The following C8orf34 variants were observed in gnomAD, a reference collection of about 807,000 sequenced individuals.
The protein encoded by C8orf34 is chromosome 8 open reading frame 34.
A neutral mutation model predicts 68.3 loss-of-function variants in C8orf34; 65 were observed. The observed-to-expected ratio is 0.95, with a 90% CI of 0.78 to 1.17. The LOEUF is 1.17. Ranked by LOEUF, C8orf34 falls within the 50% of genes most tolerant of loss-of-function variation. The pLI, the probability that C8orf34 is intolerant of heterozygous loss-of-function variation, is 0.00. For synonymous variants in C8orf34, 244 were observed against 241.2 expected (o/e 1.01, Z -0.11); for missense variants, 664 against 655.4 (o/e 1.01, Z -0.14).
At chr8:68,518,639 T>C (rs1266947471) in intron 5 of C8orf34, among the ~76,000 whole-genome samples, 1 of 152,194 alleles carries the variant, frequency 6.6e-6, no homozygotes, top group Non-Finnish European at 1.5e-5. Context: ...GGTTCATGAA[T>C]GTAATCCCAG....
intron 8 of C8orf34, among the ~76,000 whole-genome samples, chr8:68,652,137 A>G (rs1375051809): frequency 6.6e-6 from 1 of 152,214 alleles, no homozygotes; most frequent in African/African-American, 2.4e-5. Context: ...AAGATGCCTG[A>G]CAGAGGAGAG....
At chr8:68,487,285 G>T (rs117599494) in intron 4 of C8orf34, among the ~76,000 whole-genome samples, 460 of 152,306 alleles carry the variant, frequency 3.0e-3, no homozygotes, top group Admixed American at 7.4e-3. Flanking sequence ...GGGAATTCCT[G>T]TGAAGGAGAC....
At chr8:68,645,810 A>G (rs907404934) in intron 8 of C8orf34, among the ~76,000 whole-genome samples, 2 of 152,084 alleles carry the variant, frequency 1.3e-5, no homozygotes, top group African/African-American at 4.8e-5. Context: ...TATTTTCCTT[A>G]ATCTTTTTTT....
chr8:68,419,105 A>C (rs573392823), intron 1 of C8orf34, among the ~76,000 whole-genome samples: 1 of 152,176 alleles, frequency 6.6e-6, no homozygotes, highest in South Asian at 2.1e-4. Context: ...TAATATCCAG[A>C]ATCTACAATG....
intron 12 of C8orf34, chr8:68,792,571 C>CAAAAAAAAAAAAAA (rs1162293308): frequency 1.4e-4 from 6 of 42,296 alleles, no homozygotes; most frequent in East Asian, 5.6e-4. Flanking sequence ...GACTCCATCT[C>CAAAAAAAAAAAAAA]AAAAAAAAAA....
At chr8:68,446,227 C>T (rs988776407) in intron 2 of C8orf34, 102 bp from the exon 3 acceptor site, 1 of 880,206 alleles carries the variant, frequency 1.1e-6, no homozygotes, top group South Asian at 1.8e-5. Context: ...TATGAGGTGA[C>T]CTATATGTTT....
intron 7 of C8orf34, among the ~76,000 whole-genome samples, chr8:68,545,323 T>C (rs1358547673): frequency 6.6e-6 from 1 of 152,182 alleles, no homozygotes; most frequent in Admixed American, 6.6e-5. Context: ...TCCATGATTG[T>C]GAGGCCTCCC....
At chr8:68,802,619 C>T (rs185422240) in intron 12 of C8orf34, among the ~76,000 whole-genome samples, 217 of 152,166 alleles carry the variant, frequency 1.4e-3, no homozygotes, top group African/African-American at 4.9e-3. Context: ...TCACCTCAGC[C>T]TCCCGAGTAG....
intron 8 of C8orf34, among the ~76,000 whole-genome samples, chr8:68,667,636 T>C (rs1819881055): frequency 6.6e-6 from 1 of 152,186 alleles, no homozygotes; most frequent in Non-Finnish European, 1.5e-5. Context: ...CGTCAATGAC[T>C]ATAATTCCAA....
chr8:68,810,444 T>C (rs2978226), intron 12 of C8orf34, among the ~76,000 whole-genome samples: 147,533 of 152,292 alleles, frequency 0.97, 71,493 homozygotes, highest in East Asian at 1. Context: ...GTGTCAAAGC[T>C]CTGGCTCAGG....
intron 7 of C8orf34, among the ~76,000 whole-genome samples, chr8:68,593,654 AT>A (rs1360574936): frequency 6.6e-6 from 1 of 151,870 alleles, no homozygotes; most frequent in Non-Finnish European, 1.5e-5. Flanking sequence ...TATTTTGTTC[AT>A]TTACAGCTTT....
chr8:68,653,945 T>C (rs1819437900), intron 8 of C8orf34, among the ~76,000 whole-genome samples: 1 of 152,164 alleles, frequency 6.6e-6, no homozygotes, highest in Non-Finnish European at 1.5e-5. Context: ...TATATTATGG[T>C]TTTATTTCAG....
chr8:68,625,748 A>G (rs1001172316), intron 7 of C8orf34: 2 of 526,324 alleles, frequency 3.8e-6, no homozygotes, highest in African/African-American at 3.9e-5. Context: ...ATTTTAGTAT[A>G]TGGCCAGCAA....
At chr8:68,760,312 A>G (rs1014735482) in intron 10 of C8orf34, among the ~76,000 whole-genome samples, 2 of 152,204 alleles carry the variant, frequency 1.3e-5, no homozygotes, top group African/African-American at 4.8e-5. Context: ...AATTCTTTCA[A>G]TCGAAAGCAT....
chr8:68,664,931 T>C lies in C8orf34; in HGVS notation c.1241+24420T>C, dbSNP rs115792843. Reference sequence around the variant, plus strand: ...AAAGTTAGAATTAGAGACTTTCTAATATAGATTTTAGATTATCCCATGTTT... The same window carrying C: ...AAAGTTAGAATTAGAGACTTTCTAACATAGATTTTAGATTATCCCATGTTT... On this transcript the variant is annotated intron_variant, in intron 8 of 13. Transcript: ENST00000518698. 8.0e-3 allele frequency among the ~76,000 whole-genome samples: 1,218 copies of C among 152,336 alleles called. 19 individuals carry two copies. Among genetic ancestry groups the C allele is most frequent in the African/African-American group, 0.026 (1,094 of 41,576 alleles).
intron 8 of C8orf34, among the ~76,000 whole-genome samples, chr8:68,657,637 C>A (rs1323136882): frequency 3.3e-5 from 5 of 152,194 alleles, no homozygotes; most frequent in Admixed American, 6.5e-5. Context: ...TACTTTTCAG[C>A]TTCATTTTTT....
intron 1 of C8orf34, among the ~76,000 whole-genome samples, chr8:68,350,522 T>C (rs1355605049): frequency 2.0e-5 from 3 of 151,928 alleles, no homozygotes; most frequent in Non-Finnish European, 2.9e-5. Flanking sequence ...TCTAATACTG[T>C]TAGTGGAGTG....
At chr8:68,587,891 G>A (rs1211008235) in intron 7 of C8orf34, among the ~76,000 whole-genome samples, 1 of 152,060 alleles carries the variant, frequency 6.6e-6, no homozygotes, top group Non-Finnish European at 1.5e-5. Flanking sequence ...ATGCAGATGT[G>A]AATGCAGTCT....
intron 12 of C8orf34, chr8:68,791,000 C>A: frequency 1.7e-6 from 1 of 605,006 alleles, no homozygotes; most frequent in Non-Finnish European, 2.9e-6. Context: ...GGCTTCTTTC[C>A]TCATCTATAA....
Sources: allele counts gnomAD v4.1 joint callset (sites outside exome capture counted in the v4.1 genomes callset), GRCh38; gene constraint gnomAD v4.1.1; transcripts MANE v1.5; gene names NCBI Gene and HGNC (gene_info 2026-07-23, HGNC 2026-07-21).